The following MEIOSIN variants were observed in gnomAD, a reference collection of about 807,000 sequenced individuals.
MEIOSIN encodes meiosis initiator protein.
In MEIOSIN, 18 loss-of-function variants were observed where a neutral mutation model predicts 23.4. The ratio of observed to expected loss-of-function variants is 0.77; its 90% CI spans 0.53 to 1.14. The LOEUF is 1.14. Ranked by LOEUF, MEIOSIN falls within the 50% of genes most tolerant of loss-of-function variation. The pLI, the probability that MEIOSIN is intolerant of heterozygous loss-of-function variation, is 0.00. For missense variants in MEIOSIN, 428 were observed against 242.9 expected (o/e 1.76, Z -5.07); for synonymous variants, 187 against 100.6 (o/e 1.86, Z -5.14).
At chr19:45,757,083 TC>T in intron 8 of MEIOSIN, 93 bp from the exon 9 acceptor site, 1 of 640,698 alleles carries the variant, frequency 1.6e-6, no homozygotes, top group South Asian at 1.7e-5. Flanking sequence ...CCCCCAGCAC[TC>T]CCCCAGGGGC....
rs1461719563 is a variant in MEIOSIN at position 45,757,183 on chromosome 19, G to A, written c.918G>A (p.Lys306=). ...LNKTQPHPRQ[K]LVFYDSSEDV... ...GAAACTCCACCTCTTGCAGGCAGAAGCTGGTGTTCTATGATTCCAGCGAGG... is the reference window on the plus strand; with the variant it reads ...GAAACTCCACCTCTTGCAGGCAGAAACTGGTGTTCTATGATTCCAGCGAGG... The change falls in exon 9 of 15, where the codon AAG becomes AAA. Residue 306 remains lysine (K), a synonymous_variant. Transcript: ENST00000457052. 1 of 702,798 alleles carries A rather than the reference G, an allele frequency of 1.4e-6. No individual in the cohort carries two copies. The highest frequency in any genetic ancestry group is 2.0e-5 in the Admixed American group (1 of 49,986). 43.5% of individuals were successfully genotyped at this position (702,798 alleles called of 1,614,324 possible).
At chr19:45,761,394 T>C (rs959354198) in intron 11 of MEIOSIN, among the ~76,000 whole-genome samples, 1 of 150,988 alleles carries the variant, frequency 6.6e-6, no homozygotes, top group African/African-American at 2.4e-5. Flanking sequence ...AGTGCTGAGA[T>C]TACAGGCATG....
At chr19:45,762,390 A>G (rs543887216) in intron 13 of MEIOSIN, among the ~76,000 whole-genome samples, 1 of 152,018 alleles carries the variant, frequency 6.6e-6, no homozygotes, top group Non-Finnish European at 1.5e-5. Context: ...CTGAAACCCA[A>G]TTCAGGCTTT....
chr19:45,757,924 C>T (rs1968863587), intron 9 of MEIOSIN, among the ~76,000 whole-genome samples: 1 of 152,010 alleles, frequency 6.6e-6, no homozygotes, highest in Non-Finnish European at 1.5e-5. Context: ...AATTCCTGGA[C>T]TCAAGGGATC....
intron 7 of MEIOSIN, among the ~76,000 whole-genome samples, chr19:45,754,977 G>A (rs1403038848): frequency 1.3e-5 from 2 of 152,128 alleles, no homozygotes; most frequent in Non-Finnish European, 2.9e-5. Flanking sequence ...GAGGAGGGCA[G>A]GGCCTCCGCC....
intron 3 of MEIOSIN, 46 bp downstream of exon 3, chr19:45,739,776 ACAT>A: frequency 1.4e-6 from 1 of 703,082 alleles, no homozygotes; most frequent in Non-Finnish European, 2.6e-6. Context: ...CCAAGCAAAA[ACAT>A]AGCCCATTGT....
chr19:45,745,234 G>A lies in MEIOSIN; in HGVS notation c.219G>A (p.Lys73=), dbSNP rs1568555092. ...ACAAGCTCCTGTCCCCAAACAAGAA[G>A]CAGAGGAAAAACCACACTAGCAAGC... ...NQNKLLSPNK[K]QRKNHTSKLQ... is the part of the protein sequence containing the mutation. Residue 73 remains lysine, a synonymous_variant, in exon 4 of 15, where the codon AAG becomes AAA. Coordinates refer to ENST00000457052, the MANE Select transcript of MEIOSIN (RefSeq NM_001310124.2). 4.3e-6 allele frequency: 3 copies of A among 702,976 alleles called. No individual in the cohort carries two copies. The highest frequency in any genetic ancestry group is 5.2e-6 in the Non-Finnish European group (2 of 385,004). The allele number at this position is 702,976 out of a possible 1,614,324, so 43.5% of individuals were successfully genotyped here.
intron 3 of MEIOSIN, among the ~76,000 whole-genome samples, chr19:45,743,984 T>C (rs1227768851): frequency 2.0e-5 from 3 of 151,654 alleles, no homozygotes; most frequent in African/African-American, 7.3e-5. Context: ...TCTTCATGTA[T>C]TGGTGACACC....
At position 45,764,088 on chromosome 19, in the gene MEIOSIN, G is replaced by A. The variant is rs764108130; in HGVS notation, c.1887G>A (p.Lys629=). 2.5e-6 allele frequency: 1 copy of A among 398,670 alleles called. No homozygotes were observed. The highest frequency in any genetic ancestry group is 4.4e-6 in the Non-Finnish European group (1 of 226,072). 24.7% of individuals were successfully genotyped at this position (398,670 alleles called of 1,614,324 possible). ...PKPFYQLLAE[K]ALPLPPHLQ ...CCTTCTACCAGCTGCTGGCCGAGAA[G>A]GCCTTGCCGCTGCCCCCGCACCTCC... is the stretch of plus-strand genomic sequence containing the variant. The change falls in exon 15 of 15, where the codon AAG becomes AAA. Residue 629 remains lysine, a synonymous_variant. Coordinates refer to ENST00000457052, the MANE Select transcript of MEIOSIN (RefSeq NM_001310124.2).
chr19:45,760,773 A>G (rs947272273), intron 11 of MEIOSIN, among the ~76,000 whole-genome samples: 2 of 151,808 alleles, frequency 1.3e-5, no homozygotes, highest in Admixed American at 1.3e-4. Flanking sequence ...TACTAAAAAT[A>G]CAAAATTAGC....
intron 8 of MEIOSIN, 38 bp from the exon 9 acceptor site, chr19:45,757,139 A>T (rs1374094149): frequency 2.9e-6 from 2 of 701,106 alleles, no homozygotes; most frequent in Admixed American, 4.0e-5. Context: ...TCTAGCCCAG[A>T]GTCTGTGAGT....
At chr19:45,741,022 T>C (rs1019123930) in intron 3 of MEIOSIN, among the ~76,000 whole-genome samples, 4 of 152,040 alleles carry the variant, frequency 2.6e-5, no homozygotes, top group Non-Finnish European at 1.5e-5. Flanking sequence ...GTGGGCCCTA[T>C]ACAATTTTAC....
chr19:45,746,112 G>C (rs564587571), intron 4 of MEIOSIN, among the ~76,000 whole-genome samples: 25 of 152,164 alleles, frequency 1.6e-4, no homozygotes, highest in African/African-American at 5.5e-4. Context: ...GAGACTACAG[G>C]CTCATGCCAC....
intron 3 of MEIOSIN, among the ~76,000 whole-genome samples, chr19:45,741,262 G>A (rs1019117138): frequency 7.3e-5 from 11 of 151,700 alleles, no homozygotes; most frequent in South Asian, 4.2e-4. Context: ...CAGAAGAATC[G>A]CTTGAATCTG....
At chr19:45,752,734 T>C (rs1225782540) in intron 5 of MEIOSIN, among the ~76,000 whole-genome samples, 1 of 152,050 alleles carries the variant, frequency 6.6e-6, no homozygotes, top group Non-Finnish European at 1.5e-5. Flanking sequence ...TTGCAGGTGA[T>C]GGAACTGAAG....
chr19:45,755,274 C>A (rs376852364), intron 7 of MEIOSIN, among the ~76,000 whole-genome samples: 4 of 150,486 alleles, frequency 2.7e-5, no homozygotes, highest in African/African-American at 9.8e-5. Flanking sequence ...CTCAGTCTCA[C>A]GAGTAGCTGG....
chr19:45,739,329 T>G (rs1458450647), intron 2 of MEIOSIN, among the ~76,000 whole-genome samples: 1 of 152,020 alleles, frequency 6.6e-6, no homozygotes, highest in Non-Finnish European at 1.5e-5. Flanking sequence ...TTTCTCATAG[T>G]TTTAGTGAAA....
intron 4 of MEIOSIN, among the ~76,000 whole-genome samples, chr19:45,746,847 T>C (rs1968604909): frequency 6.6e-6 from 1 of 151,912 alleles, no homozygotes; most frequent in Non-Finnish European, 1.5e-5. Flanking sequence ...AAAAGATCCT[T>C]AACTCAATCA....
intron 11 of MEIOSIN, among the ~76,000 whole-genome samples, chr19:45,761,283 C>A (rs1417199090): frequency 6.6e-6 from 1 of 151,938 alleles, no homozygotes; most frequent in Non-Finnish European, 1.5e-5. Context: ...CACCAACATA[C>A]CTGGCTAATT....
Sources: allele counts gnomAD v4.1 joint callset (sites outside exome capture counted in the v4.1 genomes callset), GRCh38; gene constraint gnomAD v4.1.1; transcripts MANE v1.5; gene names NCBI Gene and HGNC (gene_info 2026-07-23, HGNC 2026-07-21).